The following PLCH1 variants were observed in gnomAD, a reference collection of about 807,000 sequenced individuals.
PLCH1 encodes 1-phosphatidylinositol 4,5-bisphosphate phosphodiesterase eta-1.
In PLCH1, 60 loss-of-function variants were observed where a neutral mutation model predicts 126.7. The observed-to-expected ratio is 0.47, with a 90% confidence interval of 0.38 to 0.59. The LOEUF is 0.59. PLCH1 is among the 20% of genes least tolerant of loss of function. The pLI, the probability that PLCH1 is intolerant of heterozygous loss-of-function variation, is 0.00. For synonymous variants in PLCH1, 719 were observed against 734.9 expected (o/e 0.98, Z 0.35); for missense variants, 1,723 against 2,040.0 (o/e 0.84, Z 2.99).
chr3:155,742,765 T>C (rs1749722739), intron 1 of PLCH1: 1 of 152,780 alleles, frequency 6.5e-6, no homozygotes, highest in African/African-American at 2.4e-5. Context: ...TAAGAATTTA[T>C]GACAAATGAG....
chr3:155,527,219 T>G (rs1001519663), intron 10 of PLCH1, among the ~76,000 whole-genome samples: 6 of 152,220 alleles, frequency 3.9e-5, no homozygotes, highest in Admixed American at 3.9e-4. Context: ...GATGGAGACT[T>G]CCTTAAACAT....
At chr3:155,474,885 C>T (rs1713460041), downstream of PLCH1, among the ~76,000 whole-genome samples, 1 of 122,986 alleles carries the variant, frequency 8.1e-6, no homozygotes, top group Non-Finnish European at 1.6e-5. Context: ...AATGAGATCA[C>T]ATGGACACAG....
intron 2 of PLCH1, among the ~76,000 whole-genome samples, chr3:155,620,102 G>A (rs1258398760): frequency 1.3e-5 from 2 of 151,988 alleles, no homozygotes; most frequent in African/African-American, 2.4e-5. Flanking sequence ...TTTCAAAATC[G>A]TTTTTAAAAA....
chr3:155,492,126 C>G (rs1467911761), intron 18 of PLCH1, among the ~76,000 whole-genome samples: 1 of 152,034 alleles, frequency 6.6e-6, no homozygotes, highest in African/African-American at 2.4e-5. Flanking sequence ...GACAAAGAAC[C>G]TGAAGTAATG....
chr3:155,728,475 T>G (rs534089572), intron 1 of PLCH1, among the ~76,000 whole-genome samples: 30 of 152,166 alleles, frequency 2.0e-4, no homozygotes, highest in Non-Finnish European at 4.0e-4. Flanking sequence ...ATAGAGAAAC[T>G]GAAGCACAGT....
intron 2 of PLCH1, among the ~76,000 whole-genome samples, chr3:155,647,734 C>T (rs1264638108): frequency 1.3e-5 from 2 of 151,966 alleles, no homozygotes; most frequent in Non-Finnish European, 2.9e-5. Context: ...TTTTTTTAAA[C>T]TTCTGAAACA....
chr3:155,701,308 G>T (rs1746254343), intron 2 of PLCH1, among the ~76,000 whole-genome samples: 2 of 152,126 alleles, frequency 1.3e-5, no homozygotes, highest in African/African-American at 4.8e-5. Flanking sequence ...AGAAAATGAG[G>T]CTATGAATAT....
intron 2 of PLCH1, among the ~76,000 whole-genome samples, chr3:155,651,674 T>A (rs1013854625): frequency 4.6e-5 from 7 of 152,210 alleles, no homozygotes; most frequent in African/African-American, 1.7e-4. Context: ...CATGCTCTAC[T>A]CTTATTTACT....
At chr3:155,525,837 A>G (rs1721822270) in intron 10 of PLCH1, among the ~76,000 whole-genome samples, 1 of 152,174 alleles carries the variant, frequency 6.6e-6, no homozygotes, top group African/African-American at 2.4e-5. Flanking sequence ...AAAAACAGCA[A>G]AAAAGTCTAA....
intron 21 of PLCH1, among the ~76,000 whole-genome samples, chr3:155,458,264 C>G (rs2107970301): frequency 6.7e-6 from 1 of 148,540 alleles, no homozygotes; most frequent in Middle Eastern, 3.4e-3. Flanking sequence ...ATCACTTGAA[C>G]CTGGGAGGCG....
chr3:155,661,439 A>G (rs1742127615), intron 2 of PLCH1, among the ~76,000 whole-genome samples: 1 of 152,186 alleles, frequency 6.6e-6, no homozygotes, highest in South Asian at 2.1e-4. Flanking sequence ...AAGCCAACTC[A>G]TAGCTCAGAT....
chr3:155,685,393 G>C (rs528195614), intron 2 of PLCH1, among the ~76,000 whole-genome samples: 3 of 152,284 alleles, frequency 2.0e-5, no homozygotes, highest in Admixed American at 2.0e-4. Context: ...TGGCCTTCTG[G>C]TTAACACTTC....
intron 2 of PLCH1, among the ~76,000 whole-genome samples, chr3:155,695,324 G>T (rs1745713982): frequency 1.3e-5 from 2 of 152,132 alleles, no homozygotes; most frequent in Admixed American, 1.3e-4. Flanking sequence ...ATTCTCATTG[G>T]TCTTCTTTTC....
At chr3:155,577,731 T>C (rs1200998834) in intron 6 of PLCH1, among the ~76,000 whole-genome samples, 1 of 152,216 alleles carries the variant, frequency 6.6e-6, no homozygotes, top group Non-Finnish European at 1.5e-5. Context: ...TAAAATTTAC[T>C]GGCAGAATGT....
intron 1 of PLCH1, among the ~76,000 whole-genome samples, chr3:155,733,422 T>C (rs184702936): frequency 1.7e-3 from 255 of 152,278 alleles, no homozygotes; most frequent in African/African-American, 6.0e-3. Context: ...CCTACACCCT[T>C]GTGGTCAATT....
At chr3:155,638,018 T>C (rs975147247) in intron 2 of PLCH1, among the ~76,000 whole-genome samples, 5 of 152,192 alleles carry the variant, frequency 3.3e-5, no homozygotes, top group Non-Finnish European at 2.9e-5. Flanking sequence ...TACCGTCAAA[T>C]CAAAGCTTGA....
At chr3:155,501,847 T>G (rs552488414) in intron 13 of PLCH1, among the ~76,000 whole-genome samples, 1 of 152,202 alleles carries the variant, frequency 6.6e-6, no homozygotes, top group African/African-American at 2.4e-5. Flanking sequence ...CCCCAATAAT[T>G]GCCGAAAACC....
chr3:155,548,645 T>C (rs1725703970), intron 10 of PLCH1, among the ~76,000 whole-genome samples: 1 of 152,346 alleles, frequency 6.6e-6, no homozygotes, highest in Non-Finnish European at 1.5e-5. Flanking sequence ...GTTATAAAGA[T>C]GACATTTCAT....
At chr3:155,710,317 A>C (rs934423482) in intron 1 of PLCH1, among the ~76,000 whole-genome samples, 3 of 152,162 alleles carry the variant, frequency 2.0e-5, no homozygotes, top group Non-Finnish European at 2.9e-5. Flanking sequence ...AAAAAAATGT[A>C]TTTTGGACAA....
Sources: gnomAD v4.1 joint callset for allele counts (sites outside exome capture counted in the v4.1 genomes callset) on GRCh38, gnomAD v4.1.1 for gene constraint, MANE v1.5 for transcripts, NCBI Gene and HGNC (gene_info 2026-07-23, HGNC 2026-07-21) for gene names.